Variants in CACNA1C observed in about 807,000 individuals in gnomAD.
CACNA1C encodes the protein voltage-dependent L-type calcium channel subunit alpha-1C.
Under a neutral mutation model 229.0 loss-of-function variants are expected in CACNA1C, and 30 were observed. The ratio of observed to expected loss-of-function variants is 0.13; its 90% confidence interval spans 0.10 to 0.18. CACNA1C has a LOEUF of 0.18. Among genes scored for constraint, CACNA1C ranks in the 10% least tolerant of loss-of-function variants. CACNA1C has a pLI of 1.00. For synonymous variants in CACNA1C, 1,114 were observed against 1,132.5 expected, an observed-to-expected ratio of 0.98 and a Z score of 0.33; for missense variants, 1,658 against 2,845.0, an observed-to-expected ratio of 0.58 and a Z score of 9.49.
intron 1 of CACNA1C, among the ~76,000 whole-genome samples, chr12:2,056,728 A>G (rs1224167811): frequency 6.6e-6 from 1 of 152,220 alleles, no homozygotes; most frequent in Non-Finnish European, 1.5e-5. Flanking sequence ...TTGATCCTGC[A>G]TGGAGAAAAC....
At chr12:2,173,391 A>C (rs2096553720) in intron 3 of CACNA1C, among the ~76,000 whole-genome samples, 1 of 152,000 alleles carries the variant, frequency 6.6e-6, no homozygotes, top group Non-Finnish European at 1.5e-5. Context: ...ACCCCACAAG[A>C]GCTTATGATG....
intron 3 of CACNA1C, among the ~76,000 whole-genome samples, chr12:2,272,826 T>C (rs1183578034): frequency 6.6e-6 from 1 of 152,258 alleles, no homozygotes; most frequent in Admixed American, 6.5e-5. Flanking sequence ...TCCGTTCTAT[T>C]GGACACATGT....
intron 1 of CACNA1C, among the ~76,000 whole-genome samples, chr12:2,007,865 G>T (rs1409958138): frequency 6.6e-6 from 1 of 152,032 alleles, no homozygotes; most frequent in Non-Finnish European, 1.5e-5. Context: ...AATCCTCATT[G>T]CATTCTGTTG....
intron 30 of CACNA1C, among the ~76,000 whole-genome samples, chr12:2,645,215 C>G (rs1412198947): frequency 6.6e-6 from 1 of 152,066 alleles, no homozygotes; most frequent in Non-Finnish European, 1.5e-5. Flanking sequence ...TGTTGGCTGC[C>G]CTAAAAGGGG....
At chr12:2,429,812 C>A (rs1021876381) in intron 3 of CACNA1C, among the ~76,000 whole-genome samples, 2 of 152,198 alleles carry the variant, frequency 1.3e-5, no homozygotes, top group Non-Finnish European at 2.9e-5. Context: ...CTCCACCCAT[C>A]TTAGGTGATG....
intron 3 of CACNA1C, among the ~76,000 whole-genome samples, chr12:2,397,970 G>C (rs747205725): frequency 4.6e-5 from 7 of 152,238 alleles, no homozygotes; most frequent in African/African-American, 7.2e-5. Context: ...GCTGGTCCAG[G>C]AGGCCCCTGC....
Position 2,041,267 on chromosome 12 carries a change from A to ATTAT in CACNA1C, c.139+70068_139+70069insATTT, listed in dbSNP as rs2050023838. On this transcript the variant is annotated intron_variant, in intron 1 of 46. Transcript: ENST00000682462. ...TGTGGGTCACAGTGATGCTAAGGGT[A>ATTAT]TTCTTTTTTTTTTTTTTTTTTTTTT... Among the ~76,000 whole-genome samples, 26 of 99,396 alleles carry ATTAT rather than the reference A, an allele frequency of 2.6e-4. 1 individual carries two copies. The highest frequency in any genetic ancestry group is 1.3e-3 in the African/African-American group (26 of 20,458). The allele number at this position is 99,396 out of a possible 152,430, so 65.2% of individuals were successfully genotyped here. A position where few individuals can be genotyped will look rare whatever the true frequency, so the allele number is the denominator to read the frequency against.
intron 3 of CACNA1C, among the ~76,000 whole-genome samples, chr12:2,277,177 T>C (rs917651898): frequency 6.6e-6 from 1 of 152,150 alleles, no homozygotes; most frequent in African/African-American, 2.4e-5. Flanking sequence ...GTTATTGTTA[T>C]TATTATCCTT....
At chr12:2,165,592 G>C (rs1350263813) in intron 3 of CACNA1C, among the ~76,000 whole-genome samples, 1 of 151,812 alleles carries the variant, frequency 6.6e-6, no homozygotes, top group Non-Finnish European at 1.5e-5. Flanking sequence ...GTAGATGGCG[G>C]GATGAACATC....
chr12:2,341,358 C>T (rs1046740007), intron 3 of CACNA1C, among the ~76,000 whole-genome samples: 3 of 152,198 alleles, frequency 2.0e-5, no homozygotes, highest in Non-Finnish European at 2.9e-5. Context: ...TCTGTTCCAG[C>T]GAGGGATTAA....
chr12:2,332,827 A>T (rs1418913811), intron 3 of CACNA1C, among the ~76,000 whole-genome samples: 2 of 152,248 alleles, frequency 1.3e-5, no homozygotes, highest in Non-Finnish European at 2.9e-5. Context: ...ACGCATTATA[A>T]ATCTGGAAGA....
chr12:2,406,340 T>C (rs2098737017), intron 3 of CACNA1C, among the ~76,000 whole-genome samples: 3 of 152,210 alleles, frequency 2.0e-5, no homozygotes. Flanking sequence ...TTGAGTACTT[T>C]TTCAGCCCCA....
intron 1 of CACNA1C, among the ~76,000 whole-genome samples, chr12:2,046,372 T>G (rs2051046093): frequency 6.6e-6 from 1 of 152,176 alleles, no homozygotes; most frequent in African/African-American, 2.4e-5. Context: ...CTTTGGTGAC[T>G]GAGCGCTTCC....
chr12:2,121,469 G>A (rs1196045733), intron 3 of CACNA1C, among the ~76,000 whole-genome samples: 2 of 152,160 alleles, frequency 1.3e-5, no homozygotes, highest in East Asian at 1.9e-4. Context: ...CTCAGCTGTC[G>A]CCCCAGTTTT....
At chr12:2,140,288 C>T (rs912518288) in intron 3 of CACNA1C, among the ~76,000 whole-genome samples, 9 of 151,450 alleles carry the variant, frequency 5.9e-5, no homozygotes, top group South Asian at 2.1e-4. Context: ...CCATTGTTCA[C>T]GACTGCAGGG....
chr12:2,633,476 G>A lies in CACNA1C; in HGVS notation c.3829-821G>A, dbSNP rs1264629681. On this transcript the variant is annotated intron_variant, in intron 29 of 46. Coordinates refer to ENST00000399655, the MANE Select transcript of CACNA1C (RefSeq NM_000719.7). The surrounding 1 kb of genome is among the most constrained non-coding windows in gnomAD (Gnocchi z 5.8). ...CCTCCCTGCTGCTCCTTCCTTGCTGGTGCTCCTGGGCTCCTGGCCATGGTG... is the reference window on the plus strand; with the variant it reads ...CCTCCCTGCTGCTCCTTCCTTGCTGATGCTCCTGGGCTCCTGGCCATGGTG... Among the ~76,000 whole-genome samples, 4 of 152,162 alleles carry A rather than the reference G, an allele frequency of 2.6e-5. No individual in the cohort carries two copies. The highest frequency in any genetic ancestry group is 3.2e-3 in the Middle Eastern group (1 of 316).
chr12:2,112,147 A>G (rs1253579662), intron 1 of CACNA1C, among the ~76,000 whole-genome samples: 3 of 152,152 alleles, frequency 2.0e-5, no homozygotes, highest in Non-Finnish European at 4.4e-5. Flanking sequence ...CCGTCGCCCC[A>G]TTCTGTGACC....
At position 2,354,066 on chromosome 12, in the gene CACNA1C, G is replaced by A. The variant is rs1394148089; in HGVS notation, c.478-94910G>A. Among the ~76,000 whole-genome samples, 1 of 152,226 alleles carries A rather than the reference G, an allele frequency of 6.6e-6. No homozygotes were observed. The highest frequency in any genetic ancestry group is 1.5e-5 in the Non-Finnish European group (1 of 68,042). ...CAGCGACCACTGCAGGGTCCCGGGAGCTGGGTGAAAGTGGCAGAGCTGGGA... is the reference window on the plus strand; with the variant it reads ...CAGCGACCACTGCAGGGTCCCGGGAACTGGGTGAAAGTGGCAGAGCTGGGA... On this transcript the variant is annotated intron_variant, in intron 3 of 46. Coordinates refer to ENST00000399655, the MANE Select transcript of CACNA1C (RefSeq NM_000719.7). This position sits in a 1 kb window ranked among gnomAD's most constrained non-coding sequence, Gnocchi z 4.6.
chr12:2,682,419 C>A, intron 42 of CACNA1C, 131 bp from the exon 43 acceptor site: 1 of 1,063,904 alleles, frequency 9.4e-7, no homozygotes. Flanking sequence ...TATGCCTGTT[C>A]ACGTGTGTGT....
Sources: gnomAD v4.1 joint callset for allele counts (sites outside exome capture counted in the v4.1 genomes callset) on GRCh38, gnomAD v4.1.1 for gene constraint, Gnocchi (gnomAD v3.1) non-coding constraint, MANE v1.5 for transcripts, NCBI Gene and HGNC (gene_info 2026-07-23, HGNC 2026-07-21) for gene names.